ACOXL: variants seen among roughly 807,000 people sequenced by gnomAD.
ACOXL encodes acyl-CoA oxidase like, also known as acyl-coenzyme A oxidase-like protein.
ACOXL carries 70 observed loss-of-function variants against 71.9 expected under a neutral mutation model. The ratio of observed to expected loss-of-function variants is 0.97; its 90% CI spans 0.80 to 1.19. The LOEUF (loss-of-function observed/expected upper bound fraction) is 1.19, where lower values mean the gene tolerates loss of function less well. ACOXL is among the 50% of genes most tolerant of loss of function. The probability of loss-of-function intolerance (pLI) is 0.00; values close to 1 mark genes in which losing one functional copy is unlikely to be tolerated. For synonymous variants in ACOXL, 253 were observed against 281.6 expected (o/e 0.90, Z 1.02); for missense variants, 703 against 736.3 (o/e 0.95, Z 0.52).
chr2:110,921,370 C>G (rs1036205871), intron 11 of ACOXL, among the ~76,000 whole-genome samples: 6 of 142,512 alleles, frequency 4.2e-5, no homozygotes, highest in African/African-American at 2.6e-5. Flanking sequence ...CTCTCTCTCT[C>G]TGTGTCTCTA....
At chr2:110,913,939 T>C (rs1470815258) in intron 11 of ACOXL, among the ~76,000 whole-genome samples, 1 of 152,070 alleles carries the variant, frequency 6.6e-6, no homozygotes, top group African/African-American at 2.4e-5. Flanking sequence ...TCCCACCATG[T>C]CTCACCTCCA....
intron 10 of ACOXL, among the ~76,000 whole-genome samples, chr2:110,900,168 TC>T (rs937957254): frequency 2.6e-5 from 4 of 151,824 alleles, no homozygotes; most frequent in Admixed American, 6.6e-5. Context: ...CTTGTTTTCT[TC>T]CCTCTCAGCA....
At chr2:110,860,612 G>A (rs1390252980) in intron 10 of ACOXL, among the ~76,000 whole-genome samples, 6 of 152,214 alleles carry the variant, frequency 3.9e-5, no homozygotes, top group Admixed American at 1.3e-4. Context: ...AAAGATCAGT[G>A]TGTGTACTTA....
chr2:110,950,810 G>GGAGAGAGAGAGA (rs71383892), intron 12 of ACOXL, among the ~76,000 whole-genome samples: 2,860 of 142,766 alleles, frequency 0.02, 38 homozygotes, highest in Middle Eastern at 0.025. Flanking sequence ...GGTGGGGGGT[G>GGAGAGAGAGAGA]GAGAGAGAGA....
chr2:111,060,274 G>T (rs1434714743), intron 16 of ACOXL, among the ~76,000 whole-genome samples: 1 of 152,146 alleles, frequency 6.6e-6, no homozygotes, highest in Non-Finnish European at 1.5e-5. Context: ...CTGCGGTGGT[G>T]TCAGAGAAGG....
At chr2:110,998,075 TA>T (rs1462799901) in intron 14 of ACOXL, among the ~76,000 whole-genome samples, 1 of 151,946 alleles carries the variant, frequency 6.6e-6, no homozygotes, top group Non-Finnish European at 1.5e-5. Flanking sequence ...AAGCTAAAAA[TA>T]TTTTTTTTTT....
At chr2:111,089,215 G>C (rs796720587) in intron 16 of ACOXL, among the ~76,000 whole-genome samples, 1 of 152,142 alleles carries the variant, frequency 6.6e-6, no homozygotes, top group East Asian at 1.9e-4. Flanking sequence ...AAGGAGAATC[G>C]CTTGAACCAG....
chr2:110,991,016 G>A (rs1039302045), intron 13 of ACOXL, among the ~76,000 whole-genome samples: 6 of 152,190 alleles, frequency 3.9e-5, no homozygotes, highest in African/African-American at 1.4e-4. Context: ...GGGGGGAGTG[G>A]TTTCTTATTC....
At chr2:111,047,662 C>T (rs2066082568) in intron 15 of ACOXL, among the ~76,000 whole-genome samples, 1 of 152,194 alleles carries the variant, frequency 6.6e-6, no homozygotes, top group Middle Eastern at 3.2e-3. Flanking sequence ...CTTAACACAG[C>T]TTGGGCCCTT....
Position 110,950,810 on chromosome 2 carries a change from G to GGAGAGAGAGAGAGAGAGAGAGAGA in ACOXL, c.1059+17170_1059+17193dup, listed in dbSNP as rs71383892. On this transcript the variant is annotated intron_variant, in intron 12 of 17. Transcript: ENST00000439055. The stretch of plus-strand genomic sequence containing the variant: ...ATCTTAAGGAGGAAGGGTGGGGGGT[G>GGAGAGAGAGAGAGAGAGAGAGAGA]GAGAGAGAGAGAGAGAGAGAGAGAG... Among the ~76,000 whole-genome samples the GGAGAGAGAGAGAGAGAGAGAGAGA allele has an allele frequency of 3.6e-4, 52 of 142,880 alleles. 1 individual carries two copies. In the East Asian group the frequency reaches 9.6e-3, roughly 26 times the overall value. 93.7% of individuals were successfully genotyped at this position (142,880 alleles called of 152,430 possible). A position where few individuals can be genotyped will look rare whatever the true frequency, so the allele number is the denominator to read the frequency against.
intron 9 of ACOXL, among the ~76,000 whole-genome samples, chr2:110,818,251 G>C (rs1365989250): frequency 6.6e-6 from 1 of 151,514 alleles, no homozygotes; most frequent in Non-Finnish European, 1.5e-5. Context: ...AATTAGCCTG[G>C]TGTGGTATGG....
At chr2:111,050,580 T>C (rs1396361071) in intron 16 of ACOXL, among the ~76,000 whole-genome samples, 1 of 152,178 alleles carries the variant, frequency 6.6e-6, no homozygotes, top group Non-Finnish European at 1.5e-5. Flanking sequence ...CTTCCCTCTA[T>C]CCTGTGTTTT....
intron 17 of ACOXL, among the ~76,000 whole-genome samples, chr2:111,096,773 TA>T (rs2068826214): frequency 6.6e-6 from 1 of 152,212 alleles, no homozygotes; most frequent in Admixed American, 6.5e-5. Context: ...CATGAAGTCC[TA>T]ATCGAAGGTA....
At chr2:110,938,467 A>G (rs1170752047) in intron 12 of ACOXL, among the ~76,000 whole-genome samples, 2 of 152,232 alleles carry the variant, frequency 1.3e-5, no homozygotes, top group South Asian at 2.1e-4. Flanking sequence ...CTTGGCACAT[A>G]TGGACACTTC....
chr2:110,987,119 G>A lies in ACOXL; in HGVS notation c.1071G>A (p.Arg357=). 3 of 1,568,660 alleles carry A rather than the reference G, an allele frequency of 1.9e-6. No homozygotes were observed. The highest frequency in any genetic ancestry group is 2.6e-6 in the Non-Finnish European group (3 of 1,154,074). Residue 357 remains arginine, a synonymous_variant, in exon 13 of 18, where the codon CGG becomes CGA. Transcript: ENST00000439055. ...AACTCTTTGCACAGGTTGTGGGGCG[G>A]GAACTGCTGGCCCAATACACCAAAC... The part of the protein sequence containing the change: ...RECTGGMVVG[R]ELLAQYTKQY...
chr2:110,949,649 T>A (rs78626772), intron 12 of ACOXL, among the ~76,000 whole-genome samples: 2,705 of 152,246 alleles, frequency 0.018, 27 homozygotes, highest in South Asian at 0.043. Context: ...TTATTTTTTT[T>A]TAAAAAAATC....
At chr2:111,095,915 G>A (rs1457134544) in intron 17 of ACOXL, among the ~76,000 whole-genome samples, 1 of 152,182 alleles carries the variant, frequency 6.6e-6, no homozygotes, top group Non-Finnish European at 1.5e-5. Flanking sequence ...TAGTAGAACT[G>A]GCACAAATCC....
chr2:110,782,554 CA>C (rs1174219842), intron 2 of ACOXL, among the ~76,000 whole-genome samples: 1 of 152,136 alleles, frequency 6.6e-6, no homozygotes, highest in Non-Finnish European at 1.5e-5. Flanking sequence ...GATCTAATAG[CA>C]AAGGTCACTA....
At chr2:111,116,594 C>G (rs2070370210) in intron 17 of ACOXL, among the ~76,000 whole-genome samples, 1 of 151,456 alleles carries the variant, frequency 6.6e-6, no homozygotes, top group Non-Finnish European at 1.5e-5. Context: ...CATGTGAGGG[C>G]AAAGGTGGGG....
Sources: allele counts gnomAD v4.1 joint callset (sites outside exome capture counted in the v4.1 genomes callset), GRCh38; gene constraint gnomAD v4.1.1; transcripts MANE v1.5; gene names NCBI Gene and HGNC (gene_info 2026-07-23, HGNC 2026-07-21).